OR2AG1: variants seen among roughly 807,000 people sequenced by gnomAD.
OR2AG1 encodes olfactory receptor 2AG1.
For missense variants in OR2AG1, 391 were observed against 385.9 expected (o/e 1.01, Z -0.11); for synonymous variants, 157 against 155.6 (o/e 1.01, Z -0.07).
rs1463926885 is a variant in OR2AG1 at position 6,791,113 on chromosome 11, G to A, written c.*5125G>A. The A allele has an allele frequency of 6.6e-6, 1 of 151,674 alleles. No homozygotes were observed. Among genetic ancestry groups the A allele is most frequent in the African/African-American group, 2.4e-5 (1 of 41,370 alleles). 9.4% of individuals were successfully genotyped at this position (151,674 alleles called of 1,614,324 possible). ...TTAGCTGCAGGGAGCTGAAGCAAGGGACTGAAAAAATGAGAAGTCTTAGAA... is the reference window on the plus strand; with the variant it reads ...TTAGCTGCAGGGAGCTGAAGCAAGGAACTGAAAAAATGAGAAGTCTTAGAA... On this transcript the variant is annotated 3_prime_UTR_variant, in exon 2 of 2. Coordinates refer to ENST00000641258, the MANE Select transcript of OR2AG1 (RefSeq NM_001004489.3).
At position 6,787,890 on chromosome 11, in the gene OR2AG1, C is replaced by G. The variant is rs1022471340; in HGVS notation, c.*1902C>G. 1.3e-5 allele frequency: 2 copies of G among 152,110 alleles called. No homozygotes were observed. The highest frequency in any genetic ancestry group is 4.8e-5 in the African/African-American group (2 of 41,432). The allele number at this position is 152,110 out of a possible 1,614,324, so 9.4% of individuals were successfully genotyped here. A position where few individuals can be genotyped will look rare whatever the true frequency, so the allele number is the denominator to read the frequency against. On this transcript the variant is annotated 3_prime_UTR_variant, in exon 2 of 2. Coordinates refer to ENST00000641258, the MANE Select transcript of OR2AG1 (RefSeq NM_001004489.3). ...TTCTTACCAGCAACATATAAGTGTA[C>G]TTAGCCCACTACATATTTTTTCATG...
At position 6,785,424 on chromosome 11, in the gene OR2AG1, T is replaced by G. The variant is rs541960064; in HGVS notation, c.387T>G (p.Pro129=). ...AYDRYVAICH[P]LTYMTLMSSR... is the part of the protein sequence containing the mutation. ...ACAGGTATGTGGCCATTTGTCATCC[T>G]CTGACATACATGACCCTCATGAGCT... is the stretch of plus-strand genomic sequence containing the variant. The change falls in exon 2 of 2, where the codon CCT becomes CCG. Residue 129 remains proline, a synonymous_variant. Transcript: ENST00000641258. 5 of 1,614,164 alleles carry G rather than the reference T, an allele frequency of 3.1e-6. No homozygotes were observed. The South Asian group carries it at 5.5e-5, about 18-fold the overall frequency.
chr11:6,787,756 C>T lies in OR2AG1; in HGVS notation c.*1768C>T, dbSNP rs1847643657. On this transcript the variant is annotated 3_prime_UTR_variant, in exon 2 of 2. Coordinates refer to ENST00000641258, the MANE Select transcript of OR2AG1 (RefSeq NM_001004489.3). ...ATCTCTTGGATGTGTGACTTTTTTT[C>T]TATAGAAAATTCCTATGAGTGAAAT... 6.6e-6 allele frequency: 1 copy of T among 150,814 alleles called. No individual in the cohort carries two copies. The highest frequency in any genetic ancestry group is 1.5e-5 in the Non-Finnish European group (1 of 67,752). 9.3% of individuals were successfully genotyped at this position (150,814 alleles called of 1,614,324 possible). A position where few individuals can be genotyped will look rare whatever the true frequency, so the allele number is the denominator to read the frequency against.
chr11:6,784,401 T>C (rs1039653817), intron 1 of OR2AG1, among the ~76,000 whole-genome samples: 7 of 152,218 alleles, frequency 4.6e-5, no homozygotes, highest in Non-Finnish European at 7.3e-5. Context: ...AAATGCAACA[T>C]CTTCTCAAAC....
rs1847650643 is a variant in OR2AG1, at chr11:6,788,570, T to A, written c.*2582T>A. On this transcript the variant is annotated 3_prime_UTR_variant, in exon 2 of 2. Transcript: ENST00000641258. ...CTTGTAATTTGATTGTGAATATATT[T>A]AACTGATAAATTAATTTGTAATTTG... The A allele has an allele frequency of 6.6e-6, 1 of 152,204 alleles. No homozygotes were observed. Among genetic ancestry groups the A allele is most frequent in the South Asian group, 2.1e-4 (1 of 4,834 alleles). The allele number at this position is 152,204 out of a possible 1,614,324, so 9.4% of individuals were successfully genotyped here. A position where few individuals can be genotyped will look rare whatever the true frequency, so the allele number is the denominator to read the frequency against.
Position 6,790,399 on chromosome 11 carries a change from C to T in OR2AG1, c.*4411C>T, listed in dbSNP as rs1219529152. The T allele has an allele frequency of 6.6e-6, 1 of 152,178 alleles. No individual in the cohort carries two copies. Among genetic ancestry groups the T allele is most frequent in the African/African-American group, 2.4e-5 (1 of 41,440 alleles). The allele number at this position is 152,178 out of a possible 1,614,324, so 9.4% of individuals were successfully genotyped here. A position where few individuals can be genotyped will look rare whatever the true frequency, so the allele number is the denominator to read the frequency against. On this transcript the variant is annotated 3_prime_UTR_variant, in exon 2 of 2. Transcript: ENST00000641258. ...GCTGCAGAAGTAGATGTCACGTGTT[C>T]TCACAACACACACGCACAGAGGGTA...
rs1355359646 is a variant in OR2AG1, at chr11:6,787,057, A to G, written c.*1069A>G. 1 of 152,188 alleles carries G rather than the reference A, an allele frequency of 6.6e-6. No individual in the cohort carries two copies. The highest frequency in any genetic ancestry group is 1.5e-5 in the Non-Finnish European group (1 of 68,012). 9.4% of individuals were successfully genotyped at this position (152,188 alleles called of 1,614,324 possible). The stretch of plus-strand genomic sequence containing the variant: ...GCTTTTTAAATCAATTCCTATAGTA[A>G]TTTAAAACAGTAACTGAGACTAGGT... On this transcript the variant is annotated 3_prime_UTR_variant, in exon 2 of 2. Transcript: ENST00000641258.
rs187423982 is a variant in OR2AG1, at chr11:6,787,547, G to A, written c.*1559G>A. 6.6e-6 allele frequency: 1 copy of A among 152,168 alleles called. No individual in the cohort carries two copies. The highest frequency in any genetic ancestry group is 6.5e-5 in the Admixed American group (1 of 15,280). The allele number at this position is 152,168 out of a possible 1,614,324, so 9.4% of individuals were successfully genotyped here. ...GTATTTAATAAATTTAACACCTACA[G>A]AATAAATGGCCCTGAAAATACTGTT... On this transcript the variant is annotated 3_prime_UTR_variant, in exon 2 of 2. Transcript: ENST00000641258.
In OR2AG1 at chr11:6,785,423, C is replaced by T. The variant is rs776088768; in HGVS notation, c.386C>T (p.Pro129Leu). 1.9e-5 allele frequency: 31 copies of T among 1,614,160 alleles called. No homozygotes were observed. The African/African-American group carries it at 3.1e-4, about 16-fold the overall frequency. ...AYDRYVAICHPLTYMTLMSSR... is the reference protein window; with the variant it reads ...AYDRYVAICHLLTYMTLMSSR... ...GACAGGTATGTGGCCATTTGTCATC[C>T]TCTGACATACATGACCCTCATGAGC... The change falls in exon 2 of 2, where the codon CCT becomes CTT. Residue 129 changes from proline (P) to leucine (L), a missense_variant. Transcript: ENST00000641258.
rs527385563 is a variant in OR2AG1, at chr11:6,788,024, T to G, written c.*2036T>G. The G allele has an allele frequency of 1.3e-5, 2 of 152,164 alleles. No homozygotes were observed. The highest frequency in any genetic ancestry group is 4.8e-5 in the African/African-American group (2 of 41,450). 9.4% of individuals were successfully genotyped at this position (152,164 alleles called of 1,614,324 possible). A position where few individuals can be genotyped will look rare whatever the true frequency, so the allele number is the denominator to read the frequency against. On this transcript the variant is annotated 3_prime_UTR_variant, in exon 2 of 2. Coordinates refer to ENST00000641258, the MANE Select transcript of OR2AG1 (RefSeq NM_001004489.3). ...AGTTTTCTTATTGATTTGTTGAAGT[T>G]TTTTTACAGGTTAGGAACACGGAGA...
rs1243743762 is a variant in OR2AG1, at chr11:6,788,076, C to T, written c.*2088C>T. On this transcript the variant is annotated 3_prime_UTR_variant, in exon 2 of 2. Transcript: ENST00000641258. ...TTTGTTATATTTGTGGTAATAACTT[C>T]TTTTCAATTTGTTATTTGGCTTCTA... The T allele has an allele frequency of 1.3e-5, 2 of 151,936 alleles. No individual in the cohort carries two copies. The highest frequency in any genetic ancestry group is 2.9e-5 in the Non-Finnish European group (2 of 67,972). The allele number at this position is 151,936 out of a possible 1,614,324, so 9.4% of individuals were successfully genotyped here.
At position 6,790,273 on chromosome 11, in the gene OR2AG1, T is replaced by C. The variant is rs564558125; in HGVS notation, c.*4285T>C. Reference sequence around the variant, plus strand: ...GACTGTGGGAGGAAATGAAAAATATTAGTCAACAGATACAAACTTTTATTT... The same window carrying C: ...GACTGTGGGAGGAAATGAAAAATATCAGTCAACAGATACAAACTTTTATTT... On this transcript the variant is annotated 3_prime_UTR_variant, in exon 2 of 2. Transcript: ENST00000641258. The C allele has an allele frequency of 6.6e-6, 1 of 152,304 alleles. No homozygotes were observed. The highest frequency in any genetic ancestry group is 2.4e-5 in the African/African-American group (1 of 41,564). 9.4% of individuals were successfully genotyped at this position (152,304 alleles called of 1,614,324 possible).
chr11:6,786,355 G>C lies in OR2AG1; in HGVS notation c.*367G>C, dbSNP rs1032250049. ...GGAAAGTTTCAAGTGGGTGGTGTAAGTAAAACCCAGACATCAAAGGGGGAG... is the reference window on the plus strand; with the variant it reads ...GGAAAGTTTCAAGTGGGTGGTGTAACTAAAACCCAGACATCAAAGGGGGAG... On this transcript the variant is annotated 3_prime_UTR_variant, in exon 2 of 2. Transcript: ENST00000641258. 5 of 177,104 alleles carry C rather than the reference G, an allele frequency of 2.8e-5. No homozygotes were observed. Among genetic ancestry groups the C allele is most frequent in the Non-Finnish European group, 5.9e-5 (5 of 84,424 alleles). 11.0% of individuals were successfully genotyped at this position (177,104 alleles called of 1,614,324 possible).
Position 6,785,359 on chromosome 11 carries a change from G to T in OR2AG1, c.322G>T (p.Gly108Cys), listed in dbSNP as rs750167342. Residue 108 changes from glycine (G) to cysteine (C), a missense_variant, in exon 2 of 2, where the codon GGT (glycine) becomes TGT (cysteine). Gly to Cys is a radical substitution (Grantham distance 159). Transcript: ENST00000641258. ...TCAGATGTTCCTGGCACTGACAATGGGTGGTGCTGAGGACCTCCTACTGGC... is the reference window on the plus strand; with the variant it reads ...TCAGATGTTCCTGGCACTGACAATGTGTGGTGCTGAGGACCTCCTACTGGC... ...ALQMFLALTM[G>C]GAEDLLLAFM... 22 of 1,614,052 alleles carry T rather than the reference G, an allele frequency of 1.4e-5. No individual in the cohort carries two copies. The highest frequency in any genetic ancestry group is 1.3e-5 in the Non-Finnish European group (15 of 1,180,038).
rs1360728728 is a variant in OR2AG1, at chr11:6,789,433, T to A, written c.*3445T>A. 1 of 152,164 alleles carries A rather than the reference T, an allele frequency of 6.6e-6. No individual in the cohort carries two copies. Among genetic ancestry groups the A allele is most frequent in the Admixed American group, 6.5e-5 (1 of 15,270 alleles). 9.4% of individuals were successfully genotyped at this position (152,164 alleles called of 1,614,324 possible). The stretch of plus-strand genomic sequence containing the variant: ...AGTAATTTCATCCACTTACATAGAT[T>A]TAAGTTCTGTCCATATGCTTTTGAG... On this transcript the variant is annotated 3_prime_UTR_variant, in exon 2 of 2. Coordinates refer to ENST00000641258, the MANE Select transcript of OR2AG1 (RefSeq NM_001004489.3).
At chr11:6,784,760 T>C (rs570912025) in intron 1 of OR2AG1, among the ~76,000 whole-genome samples, 2 of 152,344 alleles carry the variant, frequency 1.3e-5, no homozygotes, top group East Asian at 1.9e-4. Flanking sequence ...GAAAGATACA[T>C]GTTCAGGTTT....
Position 6,785,961 on chromosome 11 carries a change from C to T in OR2AG1, c.924C>T (p.Tyr308=), listed in dbSNP as rs1798289191. ...MRALRRVLGK[Y]MLPAHSTL ...CCTTGAGGAGGGTCCTGGGAAAATA[C>T]ATGCTGCCAGCACACTCCACGCTCT... The change falls in exon 2 of 2, where the codon TAC becomes TAT. Residue 308 remains tyrosine, a synonymous_variant. Transcript: ENST00000641258. 1.2e-6 allele frequency: 2 copies of T among 1,613,556 alleles called. No individual in the cohort carries two copies. The highest frequency in any genetic ancestry group is 1.3e-5 in the African/African-American group (1 of 74,902).
In OR2AG1 at chr11:6,785,701, C is replaced by T. The variant is rs376350552; in HGVS notation, c.664C>T (p.Leu222=). The T allele has an allele frequency of 8.1e-6, 13 of 1,614,132 alleles. No individual in the cohort carries two copies. The highest frequency in any genetic ancestry group is 1.6e-4 in the Middle Eastern group (1 of 6,062). The stretch of plus-strand genomic sequence containing the variant: ...TATACTGGCCTCCTATACACAAATT[C>T]TACTCACTGTGCTCCATATGCCATC... ...AAILASYTQI[L]LTVLHMPSNE... Residue 222 remains leucine (L), a synonymous_variant, in exon 2 of 2, where the codon CTA becomes TTA. Coordinates refer to ENST00000641258, the MANE Select transcript of OR2AG1 (RefSeq NM_001004489.3).
rs931861549 is a variant in OR2AG1 at position 6,785,837 on chromosome 11, G to A, written c.800G>A (p.Ser267Asn). 5.6e-6 allele frequency: 9 copies of A among 1,613,984 alleles called. No homozygotes were observed. The highest frequency in any genetic ancestry group is 5.0e-5 in the Admixed American group (3 of 59,984). ...TATGTCTTGCCCAGTTCCTTCCACA[G>A]CACCAGACAAGACAACATCATCTCT... ...FMYVLPSSFH[S>N]TRQDNIISVF... Residue 267 changes from serine (S) to asparagine (N), a missense_variant, in exon 2 of 2, where the codon AGC (serine) becomes AAC (asparagine). By Grantham distance (46) the Ser-to-Asn change is conservative. Coordinates refer to ENST00000641258, the MANE Select transcript of OR2AG1 (RefSeq NM_001004489.3).
Sources: allele counts gnomAD v4.1 joint callset (sites outside exome capture counted in the v4.1 genomes callset), GRCh38; gene constraint gnomAD v4.1.1; transcripts MANE v1.5; gene names NCBI Gene and HGNC (gene_info 2026-07-23, HGNC 2026-07-21).